Variants in C12orf54 observed in about 807,000 individuals in gnomAD.
The protein encoded by C12orf54 is uncharacterized protein C12orf54.
A neutral mutation model predicts 26.4 loss-of-function variants in C12orf54; 24 were observed. The observed-to-expected ratio is 0.91, with a 90% CI of 0.66 to 1.28. The LOEUF (loss-of-function observed/expected upper bound fraction) is 1.28. Ranked by LOEUF, C12orf54 falls within the 50% of genes most tolerant of loss-of-function variation. The probability of loss-of-function intolerance (pLI) is 0.00; values close to 1 mark genes in which losing one functional copy is unlikely to be tolerated. For synonymous variants in C12orf54, 54 were observed against 47.0 expected (o/e 1.15, Z -0.61); for missense variants, 154 against 150.9 (o/e 1.02, Z -0.11).
At chr12:48,467,904 G>T in the C12orf54 span, among the ~76,000 whole-genome samples, 13 of 152,072 alleles carry the variant, frequency 8.5e-5, no homozygotes, top group African/African-American at 2.4e-5. Flanking sequence ...CAGCAGAGGG[G>T]TGCCTCTCCT....
intron 4 of C12orf54, 105 bp downstream of exon 4, chr12:48,486,831 A>ATCC: frequency 8.4e-7 from 1 of 1,188,720 alleles, no homozygotes; most frequent in Non-Finnish European, 1.2e-6. Context: ...CGGTTTGTTG[A>ATCC]TTGACGGTGA....
In C12orf54 at chr12:48,494,968, T is replaced by G. The variant is rs779672225; in HGVS notation, c.*29T>G. 1 of 1,607,328 alleles carries G rather than the reference T, an allele frequency of 6.2e-7. No homozygotes were observed. Among genetic ancestry groups the G allele is most frequent in the Admixed American group, 1.7e-5 (1 of 59,926 alleles). On this transcript the variant is annotated 3_prime_UTR_variant, in exon 8 of 9. Transcript: ENST00000548364. ...TACAATCAAGGAAGAAGGACATCTC[T>G]GCTTCCGCCAGGTGCTTTACCCAAG... is the stretch of plus-strand genomic sequence containing the variant.
chr12:48,488,039 C>A (rs1937692474), intron 4 of C12orf54: 7 of 967,610 alleles, frequency 7.2e-6, no homozygotes, highest in Admixed American at 1.7e-5. Flanking sequence ...TGCCTAAGCA[C>A]CCGGAGCTGG....
At chr12:48,438,067 A>T in the C12orf54 span, among the ~76,000 whole-genome samples, 1 of 152,226 alleles carries the variant, frequency 6.6e-6, no homozygotes, top group Non-Finnish European at 1.5e-5. Flanking sequence ...TCAGGATACA[A>T]AATCAATGTA....
At chr12:48,414,791 G>C in the C12orf54 span, among the ~76,000 whole-genome samples, 1 of 152,142 alleles carries the variant, frequency 6.6e-6, no homozygotes, top group Non-Finnish European at 1.5e-5. Context: ...AAAGACCATG[G>C]AGTGAGGCAC....
the C12orf54 span, among the ~76,000 whole-genome samples, chr12:48,433,454 TTG>T: frequency 7.6e-4 from 27 of 35,452 alleles, no homozygotes; most frequent in East Asian, 8.8e-3. Context: ...AAGCTTTTTT[TTG>T]GGGGGGGGGG....
chr12:48,466,765 A>T, the C12orf54 span, among the ~76,000 whole-genome samples: 14 of 152,164 alleles, frequency 9.2e-5, no homozygotes, highest in South Asian at 2.1e-4. Context: ...TTTAGAAAAC[A>T]GTTTGACAGT....
chr12:48,469,042 C>T, the C12orf54 span, among the ~76,000 whole-genome samples: 2 of 152,178 alleles, frequency 1.3e-5, no homozygotes, highest in Admixed American at 1.3e-4. Context: ...TATCACAAGG[C>T]AAATGGGGGC....
At chr12:48,435,304 T>C in the C12orf54 span, among the ~76,000 whole-genome samples, 1 of 152,148 alleles carries the variant, frequency 6.6e-6, no homozygotes, top group African/African-American at 2.4e-5. Context: ...CTGAAACTGA[T>C]GGGGAGAATG....
chr12:48,445,805 C>T, the C12orf54 span, among the ~76,000 whole-genome samples: 1 of 152,198 alleles, frequency 6.6e-6, no homozygotes, highest in Admixed American at 6.5e-5. Context: ...CTCTTTTCTT[C>T]ACTCCCAATC....
chr12:48,423,478 C>T, the C12orf54 span, among the ~76,000 whole-genome samples: 4 of 151,844 alleles, frequency 2.6e-5, no homozygotes, highest in Admixed American at 6.5e-5. Context: ...CCAGATGGTT[C>T]GCAAAAAGTG....
At chr12:48,480,454 A>G (rs1474031178), upstream of C12orf54, among the ~76,000 whole-genome samples, 1 of 112,900 alleles carries the variant, frequency 8.9e-6, no homozygotes, top group African/African-American at 3.4e-5. Flanking sequence ...AAAACTGTTT[A>G]ACTAAGCCAA....
At chr12:48,478,911 G>A (rs536689551), upstream of C12orf54, among the ~76,000 whole-genome samples, 2 of 152,322 alleles carry the variant, frequency 1.3e-5, no homozygotes, top group South Asian at 2.1e-4. Context: ...CTTTTACACT[G>A]TTGGTGGGAC....
chr12:48,485,397 C>T (rs1954248493), intron 2 of C12orf54, among the ~76,000 whole-genome samples: 1 of 152,098 alleles, frequency 6.6e-6, no homozygotes, highest in Non-Finnish European at 1.5e-5. Context: ...TTCTGGGTCC[C>T]CAGACTCCCT....
chr12:48,419,125 T>TA, the C12orf54 span, among the ~76,000 whole-genome samples: 1 of 152,196 alleles, frequency 6.6e-6, no homozygotes, highest in Non-Finnish European at 1.5e-5. Flanking sequence ...CTTCTATCTC[T>TA]TCTAGACTGG....
At chr12:48,430,085 T>C in the C12orf54 span, among the ~76,000 whole-genome samples, 2,645 of 152,184 alleles carry the variant, frequency 0.017, 83 homozygotes, top group African/African-American at 0.06. Flanking sequence ...TTTCAACAAA[T>C]GGTAATAAGA....
the C12orf54 span, among the ~76,000 whole-genome samples, chr12:48,429,719 T>A: frequency 2.8e-4 from 42 of 152,190 alleles, no homozygotes; most frequent in African/African-American, 9.9e-4. Flanking sequence ...AGAATCAATA[T>A]TGTGAAAATG....
chr12:48,433,640 G>A, the C12orf54 span, among the ~76,000 whole-genome samples: 1 of 152,034 alleles, frequency 6.6e-6, no homozygotes, highest in Non-Finnish European at 1.5e-5. Flanking sequence ...GTAGAGACGG[G>A]GTTTCACCAT....
the C12orf54 span, among the ~76,000 whole-genome samples, chr12:48,427,111 T>C: frequency 6.6e-6 from 1 of 152,164 alleles, no homozygotes. Flanking sequence ...CTTCCAATAC[T>C]ATGTTGAATA....
Sources: allele counts gnomAD v4.1 joint callset (sites outside exome capture counted in the v4.1 genomes callset), GRCh38; gene constraint gnomAD v4.1.1; transcripts MANE v1.5; gene names NCBI Gene and HGNC (gene_info 2026-07-23, HGNC 2026-07-21).